Variants in FGF5 observed in about 807,000 individuals in gnomAD.
The protein encoded by FGF5 is fibroblast growth factor 5.
In FGF5, 23 loss-of-function variants were observed where a neutral mutation model predicts 21.8. The ratio of observed to expected loss-of-function variants is 1.05; its 90% CI spans 0.76 to 1.49. The LOEUF (loss-of-function observed/expected upper bound fraction) is 1.49, where lower values mean the gene tolerates loss of function less well. Ranked by LOEUF, FGF5 falls within the 40% of genes most tolerant of loss-of-function variation. The pLI is 0.00. For missense variants in FGF5, 352 were observed against 332.9 expected, an observed-to-expected ratio of 1.06 and a Z score of -0.45; for synonymous variants, 158 against 124.0, an observed-to-expected ratio of 1.27 and a Z score of -1.82.
At position 80,271,027 on chromosome 4, in the gene FGF5, C is replaced by A. The variant is rs369954753; in HGVS notation, c.355+3848C>A. 6.1e-4 allele frequency among the ~76,000 whole-genome samples: 93 copies of A among 152,286 alleles called. 1 individual carries two copies. Among genetic ancestry groups the A allele is most frequent in the African/African-American group, 2.2e-3 (90 of 41,550 alleles). On this transcript the variant is annotated intron_variant, in intron 1 of 2. Coordinates refer to ENST00000312465, the MANE Select transcript of FGF5 (RefSeq NM_004464.4). ...AAGATTCAGATTTCATAACTTGGCACAGCATATCTGTTACTTTGTGGATGC... is the reference window on the plus strand; with the variant it reads ...AAGATTCAGATTTCATAACTTGGCAAAGCATATCTGTTACTTTGTGGATGC...
rs1411489811 is a variant in FGF5 at position 80,290,610 on chromosome 4, C to T, written c.*3938C>T. The T allele has an allele frequency of 1.3e-5, 2 of 152,066 alleles. No homozygotes were observed. Among genetic ancestry groups the T allele is most frequent in the Non-Finnish European group, 1.5e-5 (1 of 68,032 alleles). 9.4% of individuals were successfully genotyped at this position (152,066 alleles called of 1,614,324 possible). ...TGCACATGTCTGTCACACATGCACA[C>T]ATGTGCCATGCTGGTGTGCTGCACC... On this transcript the variant is annotated 3_prime_UTR_variant, in exon 3 of 3. Coordinates refer to ENST00000312465, the MANE Select transcript of FGF5 (RefSeq NM_004464.4).
At chr4:80,276,393 T>A (rs1195648266) in intron 2 of FGF5, among the ~76,000 whole-genome samples, 1 of 152,144 alleles carries the variant, frequency 6.6e-6, no homozygotes, top group East Asian at 1.9e-4. Flanking sequence ...TCTAGCAAGA[T>A]GTAGTATAAT....
intron 2 of FGF5, among the ~76,000 whole-genome samples, chr4:80,281,536 T>A (rs1253317799): frequency 6.6e-6 from 1 of 152,234 alleles, no homozygotes; most frequent in Non-Finnish European, 1.5e-5. Flanking sequence ...TCATTAAAAT[T>A]GATTAAGTAC....
chr4:80,280,921 C>T lies in FGF5; in HGVS notation c.460-5404C>T, dbSNP rs191994211. On this transcript the variant is annotated intron_variant, in intron 2 of 2. Transcript: ENST00000312465. ...TAGGGCTTGAGGAGCTGCATTTGAG[C>T]CTGCTCTCTGAGTAATTTGAAGGCA... 4.6e-5 allele frequency among the ~76,000 whole-genome samples: 7 copies of T among 152,106 alleles called. No homozygotes were observed. In the East Asian group the frequency reaches 1.4e-3, roughly 29 times the overall value.
Position 80,288,330 on chromosome 4 carries a change from A to G in FGF5, c.*1658A>G, listed in dbSNP as rs186701620. ...AAAATAGTACACACATATATATAAC[A>G]AATAATATATTAAAAAACCCATCCA... On this transcript the variant is annotated 3_prime_UTR_variant, in exon 3 of 3. Coordinates refer to ENST00000312465, the MANE Select transcript of FGF5 (RefSeq NM_004464.4). 1 of 152,282 alleles carries G rather than the reference A, an allele frequency of 6.6e-6. No individual in the cohort carries two copies. The highest frequency in any genetic ancestry group is 1.5e-5 in the Non-Finnish European group (1 of 67,990). The allele number at this position is 152,282 out of a possible 1,614,324, so 9.4% of individuals were successfully genotyped here. A position where few individuals can be genotyped will look rare whatever the true frequency, so the allele number is the denominator to read the frequency against.
At chr4:80,276,966 T>C (rs1467957226) in intron 2 of FGF5, among the ~76,000 whole-genome samples, 1 of 152,056 alleles carries the variant, frequency 6.6e-6, no homozygotes. Context: ...TTCAAAATAT[T>C]CTGATTTATG....
At chr4:80,271,512 A>G (rs1720271435) in intron 1 of FGF5, among the ~76,000 whole-genome samples, 1 of 152,172 alleles carries the variant, frequency 6.6e-6, no homozygotes, top group Admixed American at 6.5e-5. Flanking sequence ...ATTTACACTG[A>G]GCCACCCGTC....
chr4:80,269,937 A>G (rs558528735), intron 1 of FGF5, among the ~76,000 whole-genome samples: 3 of 152,398 alleles, frequency 2.0e-5, no homozygotes, highest in Admixed American at 6.5e-5. Context: ...TGGGAATTTA[A>G]CATGGATCTC....
At chr4:80,268,464 T>C (rs557235469) in intron 1 of FGF5, 91 of 985,844 alleles carry the variant, frequency 9.2e-5, no homozygotes, top group Admixed American at 2.5e-4. Context: ...CCACGGGCCA[T>C]TGGGCTCCTT....
At chr4:80,273,690 CCTT>C (rs902657420) in intron 1 of FGF5, among the ~76,000 whole-genome samples, 40 of 151,880 alleles carry the variant, frequency 2.6e-4, no homozygotes, top group African/African-American at 9.2e-4. Context: ...TTCTTTGTTT[CCTT>C]CTTTTCTTCC....
intron 1 of FGF5, among the ~76,000 whole-genome samples, chr4:80,273,736 G>A (rs936761629): frequency 2.6e-5 from 4 of 151,546 alleles, no homozygotes; most frequent in Non-Finnish European, 5.9e-5. Flanking sequence ...GTAGAGATGC[G>A]GTGTCACTAT....
intron 1 of FGF5, among the ~76,000 whole-genome samples, chr4:80,269,702 T>C (rs978953195): frequency 1.3e-5 from 2 of 152,208 alleles, no homozygotes; most frequent in African/African-American, 4.8e-5. Context: ...CTTTCATTCA[T>C]GCCATAAATC....
At chr4:80,273,016 T>C (rs1359614598) in intron 1 of FGF5, among the ~76,000 whole-genome samples, 1 of 152,030 alleles carries the variant, frequency 6.6e-6, no homozygotes, top group Non-Finnish European at 1.5e-5. Context: ...CTGTGTAGAG[T>C]AACTTTACAA....
chr4:80,269,450 G>A (rs142617365), intron 1 of FGF5, among the ~76,000 whole-genome samples: 10 of 152,244 alleles, frequency 6.6e-5, no homozygotes, highest in East Asian at 5.8e-4. Flanking sequence ...TTGTAGAAAA[G>A]CAAAGGGGGG....
intron 1 of FGF5, among the ~76,000 whole-genome samples, chr4:80,273,284 A>G (rs1720321090): frequency 6.6e-6 from 1 of 152,076 alleles, no homozygotes; most frequent in Non-Finnish European, 1.5e-5. Context: ...CAGTTTCCCT[A>G]AAGTGTGTTT....
Position 80,287,752 on chromosome 4 carries a change from C to T in FGF5, c.*1080C>T, listed in dbSNP as rs1720777932. On this transcript the variant is annotated 3_prime_UTR_variant, in exon 3 of 3. Transcript: ENST00000312465. Reference sequence around the variant, plus strand: ...GAACTGAAGGAGATCAATGGTTTAACAGTTATCCATGCCAAGTCCCATTGT... The same window carrying T: ...GAACTGAAGGAGATCAATGGTTTAATAGTTATCCATGCCAAGTCCCATTGT... The T allele has an allele frequency of 6.6e-6, 1 of 152,136 alleles. No homozygotes were observed. Among genetic ancestry groups the T allele is most frequent in the South Asian group, 2.1e-4 (1 of 4,822 alleles). The allele number at this position is 152,136 out of a possible 1,614,324, so 9.4% of individuals were successfully genotyped here.
chr4:80,268,030 G>A (rs1720147490), intron 1 of FGF5, among the ~76,000 whole-genome samples: 1 of 152,202 alleles, frequency 6.6e-6, no homozygotes, highest in Admixed American at 6.5e-5. Flanking sequence ...AAATTTGGTA[G>A]GGGTGCAGAT....
Position 80,288,772 on chromosome 4 carries a change from A to G in FGF5, c.*2100A>G, listed in dbSNP as rs1262738297. The G allele has an allele frequency of 1.3e-5, 2 of 152,638 alleles. No homozygotes were observed. The highest frequency in any genetic ancestry group is 2.1e-4 in the South Asian group (1 of 4,830). 9.5% of individuals were successfully genotyped at this position (152,638 alleles called of 1,614,324 possible). A position where few individuals can be genotyped will look rare whatever the true frequency, so the allele number is the denominator to read the frequency against. The stretch of plus-strand genomic sequence containing the variant: ...TAAGCCACGTCAATGCATAAGTTGT[A>G]TAGGCTAAATGTTGCTTGTAGGCTA... On this transcript the variant is annotated 3_prime_UTR_variant, in exon 3 of 3. Coordinates refer to ENST00000312465, the MANE Select transcript of FGF5 (RefSeq NM_004464.4).
At chr4:80,268,844 C>T (rs530007288) in intron 1 of FGF5, among the ~76,000 whole-genome samples, 2 of 152,356 alleles carry the variant, frequency 1.3e-5, no homozygotes, top group South Asian at 2.1e-4. Context: ...GAGTTTATTT[C>T]ACTCATCGAA....
Sources: gnomAD v4.1 joint callset for allele counts (sites outside exome capture counted in the v4.1 genomes callset) on GRCh38, gnomAD v4.1.1 for gene constraint, MANE v1.5 for transcripts, NCBI Gene and HGNC (gene_info 2026-07-23, HGNC 2026-07-21) for gene names.